NGLY1: variants seen among roughly 807,000 people sequenced by gnomAD.
The protein encoded by NGLY1 is N-glycanase 1, also known as peptide-N(4)-(N-acetyl-beta-glucosaminyl)asparagine amidase.
In NGLY1, 68 loss-of-function variants were observed where a neutral mutation model predicts 84.6. That is an observed-to-expected ratio of 0.80 (90% confidence interval 0.66 to 0.98). NGLY1 has a LOEUF of 0.98. Among genes scored for constraint, NGLY1 ranks in the 50% least tolerant of loss-of-function variants. The pLI is 0.00. For synonymous variants in NGLY1, 280 were observed against 275.2 expected, an observed-to-expected ratio of 1.02 and a Z score of -0.17; for missense variants, 779 against 770.2, an observed-to-expected ratio of 1.01 and a Z score of -0.14.
chr3:25,789,286 A>G (rs1384125689), intron 1 of NGLY1, among the ~76,000 whole-genome samples: 1 of 152,138 alleles, frequency 6.6e-6, no homozygotes, highest in Admixed American at 6.5e-5. Flanking sequence ...AAATCTGGTG[A>G]TAATTTTTTT....
intron 10 of NGLY1, among the ~76,000 whole-genome samples, chr3:25,726,691 G>C (rs1474873227): frequency 6.6e-6 from 1 of 152,208 alleles, no homozygotes; most frequent in Non-Finnish European, 1.5e-5. Flanking sequence ...CTTACTCTAA[G>C]AGCACTCAGT....
Position 25,719,636 on chromosome 3 carries a change from C to A in NGLY1, c.1790-1G>T, listed in dbSNP as rs763432050. The stretch of plus-strand genomic sequence containing the variant: ...TCAGCATAGGAGTGAAGACTGTTAT[C>A]TGTTAGAGGGAAAAAAAAAATTAAC... On this transcript the variant is annotated splice_acceptor_variant, in intron 11 of 11. Coordinates refer to ENST00000280700, the MANE Select transcript of NGLY1 (RefSeq NM_018297.4). LOFTEE classifies it high-confidence loss of function. 2 of 1,604,424 alleles carry A rather than the reference C, an allele frequency of 1.2e-6. No individual in the cohort carries two copies. Among genetic ancestry groups the A allele is most frequent in the South Asian group, 1.1e-5 (1 of 89,568 alleles).
chr3:25,769,719 A>C (rs932767606), intron 2 of NGLY1, among the ~76,000 whole-genome samples: 18 of 152,080 alleles, frequency 1.2e-4, no homozygotes, highest in African/African-American at 3.6e-4. Context: ...AAAAGTAATC[A>C]TTTTTTAATG....
At chr3:25,749,891 G>A in intron 4 of NGLY1, 4 of 817,000 alleles carry the variant, frequency 4.9e-6, no homozygotes, top group Non-Finnish European at 8.3e-6. Context: ...CGAAGAAAAT[G>A]AGTAGACAGC....
chr3:25,779,816 T>A (rs1471695926), intron 1 of NGLY1, among the ~76,000 whole-genome samples: 1 of 152,266 alleles, frequency 6.6e-6, no homozygotes. Context: ...TTTTTAAACT[T>A]TTCCCTAATT....
intron 4 of NGLY1, among the ~76,000 whole-genome samples, chr3:25,746,153 C>T (rs1706414879): frequency 6.6e-6 from 1 of 152,186 alleles, no homozygotes; most frequent in Non-Finnish European, 1.5e-5. Flanking sequence ...CTACCCTACA[C>T]ACAGTCTAAC....
At chr3:25,758,303 T>C (rs1330059882) in intron 3 of NGLY1, among the ~76,000 whole-genome samples, 1 of 152,180 alleles carries the variant, frequency 6.6e-6, no homozygotes, top group Non-Finnish European at 1.5e-5. Flanking sequence ...TGGTGGAGCA[T>C]GGTGGCTTAT....
At chr3:25,739,920 T>G in intron 4 of NGLY1, 121 bp from the exon 5 acceptor site, 3 of 755,578 alleles carry the variant, frequency 4.0e-6, no homozygotes, top group Non-Finnish European at 6.3e-6. Flanking sequence ...TTTAAGGTTT[T>G]CACTAATAAG....
At chr3:25,747,677 GT>G (rs1167784885) in intron 4 of NGLY1, among the ~76,000 whole-genome samples, 52 of 152,148 alleles carry the variant, frequency 3.4e-4, no homozygotes, top group Admixed American at 3.4e-3. Context: ...ACTGAAATCA[GT>G]GACTTTTCTT....
intron 2 of NGLY1, among the ~76,000 whole-genome samples, chr3:25,775,630 C>T (rs1004229408): frequency 4.6e-5 from 7 of 151,832 alleles, no homozygotes; most frequent in Admixed American, 3.9e-4. Flanking sequence ...AAAGATATTA[C>T]AAAATTAAAT....
intron 10 of NGLY1, among the ~76,000 whole-genome samples, chr3:25,723,488 G>A (rs1466775032): frequency 6.6e-6 from 1 of 151,972 alleles, no homozygotes; most frequent in African/African-American, 2.4e-5. Context: ...ATTTTTAGAG[G>A]TGGTAGAAAG....
intron 2 of NGLY1, among the ~76,000 whole-genome samples, chr3:25,777,215 G>A (rs1708193852): frequency 6.6e-6 from 1 of 152,130 alleles, no homozygotes; most frequent in Non-Finnish European, 1.5e-5. Context: ...GACCAACATG[G>A]AGAAATCCCA....
chr3:25,741,178 T>C (rs1269005141), intron 4 of NGLY1, among the ~76,000 whole-genome samples: 5 of 141,542 alleles, frequency 3.5e-5, no homozygotes, highest in South Asian at 2.4e-4. Flanking sequence ...CAAAATCCCA[T>C]GTGAAAGAGA....
At chr3:25,737,111 T>C (rs1468653390) in intron 6 of NGLY1, 1 of 386,452 alleles carries the variant, frequency 2.6e-6, no homozygotes. Context: ...AAAAGGAATA[T>C]TTATAGTGCA....
In NGLY1 at chr3:25,777,820, C is replaced by T. The variant is rs184797401; in HGVS notation, c.246+754G>A. On this transcript the variant is annotated intron_variant, in intron 2 of 11. Transcript: ENST00000280700. ...TCTACTACTTTGTTCACTACTGTTA[C>T]TTCAGGGCCTGAAATGGAACCTGGG... is the stretch of plus-strand genomic sequence containing the variant. The T allele has an allele frequency of 2.0e-5, 3 of 152,296 alleles. No homozygotes were observed. In the East Asian group the frequency reaches 5.8e-4, roughly 29 times the overall value. The allele number at this position is 152,296 out of a possible 1,614,324, so 9.4% of individuals were successfully genotyped here.
At chr3:25,734,408 T>G (rs892415286) in intron 7 of NGLY1, 1 of 152,012 alleles carries the variant, frequency 6.6e-6, no homozygotes, top group African/African-American at 2.4e-5. Context: ...TGTTTAAAAT[T>G]TAAAAGTCAT....
At chr3:25,782,314 T>G (rs1708456214) in intron 1 of NGLY1, among the ~76,000 whole-genome samples, 1 of 152,140 alleles carries the variant, frequency 6.6e-6, no homozygotes, top group Non-Finnish European at 1.5e-5. Context: ...AAACACTTAA[T>G]GCACCAGGGG....
At chr3:25,752,245 CAG>C (rs1309866762) in intron 3 of NGLY1, among the ~76,000 whole-genome samples, 3 of 151,986 alleles carry the variant, frequency 2.0e-5, no homozygotes, top group African/African-American at 4.8e-5. Context: ...TTTTTTGAGA[CAG>C]AGTCTCACTG....
At chr3:25,724,162 T>A (rs919008015) in intron 10 of NGLY1, among the ~76,000 whole-genome samples, 10 of 152,242 alleles carry the variant, frequency 6.6e-5, no homozygotes, top group African/African-American at 1.4e-4. Flanking sequence ...GATTACTACA[T>A]GTCAGGCTGC....
Sources: allele counts gnomAD v4.1 joint callset (sites outside exome capture counted in the v4.1 genomes callset), GRCh38; gene constraint gnomAD v4.1.1; transcripts MANE v1.5; gene names NCBI Gene and HGNC (gene_info 2026-07-23, HGNC 2026-07-21).